The following ADAMTS20 variants were observed in gnomAD, a reference collection of about 807,000 sequenced individuals.
ADAMTS20 encodes the protein A disintegrin and metalloproteinase with thrombospondin motifs 20.
ADAMTS20 carries 225 observed loss-of-function variants against 260.1 expected under a neutral mutation model. The ratio of observed to expected loss-of-function variants is 0.87; its 90% confidence interval spans 0.78 to 0.97. ADAMTS20 has a LOEUF of 0.97. Ranked by LOEUF, ADAMTS20 falls within the 50% of genes least tolerant of loss-of-function variation. The pLI is 0.00. For synonymous variants in ADAMTS20, 802 were observed against 769.5 expected, an observed-to-expected ratio of 1.04 and a Z score of -0.70; for missense variants, 2,400 against 2,337.7, an observed-to-expected ratio of 1.03 and a Z score of -0.55.
intron 3 of ADAMTS20, among the ~76,000 whole-genome samples, chr12:43,528,347 G>GAAAAAAAAAAAAAAAAAAAAAAAAAA (rs1565583137): frequency 8.7e-4 from 2 of 2,306 alleles, no homozygotes; most frequent in African/African-American, 1.5e-3. Flanking sequence ...GCAATCCTAA[G>GAAAAAAAAAAAAAAAAAAAAAAAAAA]CAAAAAAAAA....
chr12:43,518,817 G>GAAA (rs34834714), intron 3 of ADAMTS20, among the ~76,000 whole-genome samples: 5 of 111,988 alleles, frequency 4.5e-5, no homozygotes, highest in East Asian at 2.5e-4. Context: ...ACTGGCTCAG[G>GAAA]AAAAAAAAAA....
chr12:43,493,348 G>T, intron 4 of ADAMTS20, 95 bp from the exon 5 acceptor site: 6 of 834,262 alleles, frequency 7.2e-6, no homozygotes, highest in Non-Finnish European at 1.1e-5. Flanking sequence ...TTCTCTAATT[G>T]CACTGCACGT....
chr12:43,381,780 CAAA>C (rs765135656), intron 31 of ADAMTS20, among the ~76,000 whole-genome samples: 1 of 34,516 alleles, frequency 2.9e-5, no homozygotes, highest in African/African-American at 1.2e-4. Flanking sequence ...GACTGCATCT[CAAA>C]AAAAAAAAAA....
At chr12:43,501,538 T>C (rs917769313) in intron 4 of ADAMTS20, among the ~76,000 whole-genome samples, 8 of 135,826 alleles carry the variant, frequency 5.9e-5, no homozygotes, top group East Asian at 4.8e-4. Context: ...TTACACAGGA[T>C]TGACACCCTT....
intron 2 of ADAMTS20, 142 bp from the exon 3 acceptor site, chr12:43,532,337 G>C (rs1232271302): frequency 3.1e-6 from 2 of 652,354 alleles, no homozygotes; most frequent in African/African-American, 3.7e-5. Context: ...AGCATAAAAA[G>C]TTTCCCTTCC....
intron 28 of ADAMTS20, chr12:43,423,525 AG>A: frequency 1.7e-6 from 1 of 581,260 alleles, no homozygotes; most frequent in East Asian, 2.8e-5. Flanking sequence ...TCTCATTAGC[AG>A]TTAGGATTCT....
intron 3 of ADAMTS20, among the ~76,000 whole-genome samples, chr12:43,509,326 A>G (rs1387998214): frequency 6.6e-6 from 1 of 152,114 alleles, no homozygotes; most frequent in Non-Finnish European, 1.5e-5. Context: ...GGTTGTTGTT[A>G]TTGATATTGT....
intron 28 of ADAMTS20, 48 bp downstream of exon 28, chr12:43,425,466 C>T (rs1941313769): frequency 1.4e-6 from 2 of 1,387,110 alleles, no homozygotes; most frequent in Non-Finnish European, 1.9e-6. Flanking sequence ...CTCACTCAGA[C>T]TCAAACTTTA....
chr12:43,460,409 A>G (rs1474321669), intron 11 of ADAMTS20, among the ~76,000 whole-genome samples: 3 of 152,170 alleles, frequency 2.0e-5, no homozygotes, highest in African/African-American at 7.2e-5. Flanking sequence ...ACCTAGTAGA[A>G]TGGCCAAATT....
At chr12:43,527,644 A>G (rs1329843571) in intron 3 of ADAMTS20, among the ~76,000 whole-genome samples, 1 of 152,178 alleles carries the variant, frequency 6.6e-6, no homozygotes, top group Non-Finnish European at 1.5e-5. Flanking sequence ...GCATCTCTTT[A>G]TGCTAAAATC....
chr12:43,379,013 C>A (rs578100139), intron 31 of ADAMTS20, among the ~76,000 whole-genome samples: 211 of 152,276 alleles, frequency 1.4e-3, no homozygotes, highest in African/African-American at 4.9e-3. Context: ...TCCATGGTAA[C>A]CTTCAAAATC....
intron 18 of ADAMTS20, among the ~76,000 whole-genome samples, chr12:43,436,729 T>C (rs539086485): frequency 1.3e-5 from 2 of 152,166 alleles, no homozygotes; most frequent in South Asian, 2.1e-4. Context: ...GGTGGCTAAA[T>C]AAAATTCCCC....
In ADAMTS20 at chr12:43,513,422, A is replaced by T. The variant is rs187317079; in HGVS notation, c.614-11017T>A. On this transcript the variant is annotated intron_variant, in intron 3 of 38. Coordinates refer to ENST00000389420, the MANE Select transcript of ADAMTS20 (RefSeq NM_025003.5). ...ATTCACGAACTCAAAGCCTTTTAAG[A>T]TTTTTTTAATGGAAAGGAACATGCA... 3.3e-3 allele frequency among the ~76,000 whole-genome samples: 503 copies of T among 152,248 alleles called. 7 individuals carry two copies. The highest frequency in any genetic ancestry group is 0.03 in the East Asian group (156 of 5,184).
In ADAMTS20 at chr12:43,354,145, A is replaced by G; in HGVS notation, c.*64T>C. On this transcript the variant is annotated 3_prime_UTR_variant, in exon 39 of 39. Transcript: ENST00000389420. ...GGAAGGGAGATATAAAGAAATGAGCACCAGTTATTTGAATATTCCAGAGAA... is the reference window on the plus strand; with the variant it reads ...GGAAGGGAGATATAAAGAAATGAGCGCCAGTTATTTGAATATTCCAGAGAA... The G allele has an allele frequency of 8.1e-7, 1 of 1,228,840 alleles. No homozygotes were observed. The highest frequency in any genetic ancestry group is 1.1e-6 in the Non-Finnish European group (1 of 872,314). The allele number at this position is 1,228,840 out of a possible 1,614,324, so 76.1% of individuals were successfully genotyped here. A position where few individuals can be genotyped will look rare whatever the true frequency, so the allele number is the denominator to read the frequency against.
At chr12:43,505,897 T>A (rs563225066) in intron 3 of ADAMTS20, among the ~76,000 whole-genome samples, 45 of 152,292 alleles carry the variant, frequency 3.0e-4, no homozygotes, top group African/African-American at 9.9e-4. Flanking sequence ...GCAACCCAAA[T>A]GTCCATTGAC....
At chr12:43,359,595 A>G (rs1183166807) in intron 37 of ADAMTS20, among the ~76,000 whole-genome samples, 1 of 152,220 alleles carries the variant, frequency 6.6e-6, no homozygotes, top group Non-Finnish European at 1.5e-5. Context: ...CTACTTTAAC[A>G]CTTATCGTAA....
intron 12 of ADAMTS20, among the ~76,000 whole-genome samples, chr12:43,453,559 A>G (rs756510146): frequency 6.6e-6 from 1 of 152,318 alleles, no homozygotes; most frequent in Middle Eastern, 3.4e-3. Flanking sequence ...GATCCGAAAC[A>G]TAAGTGAAAG....
chr12:43,420,830 T>G lies in ADAMTS20; in HGVS notation c.4284+4684A>C, dbSNP rs1408413574. 3.8e-5 allele frequency among the ~76,000 whole-genome samples: 5 copies of G among 133,246 alleles called. 1 individual carries two copies. Among genetic ancestry groups the G allele is most frequent in the African/African-American group, 1.2e-4 (4 of 34,650 alleles). 87.4% of individuals were successfully genotyped at this position (133,246 alleles called of 152,430 possible). ...TTTTTTTTTTTTTTTTTTTTTGAGATGGGGTCTCGGTCTGTCACGCAGGCT... is the reference window on the plus strand; with the variant it reads ...TTTTTTTTTTTTTTTTTTTTTGAGAGGGGGTCTCGGTCTGTCACGCAGGCT... On this transcript the variant is annotated intron_variant, in intron 28 of 38. Coordinates refer to ENST00000389420, the MANE Select transcript of ADAMTS20 (RefSeq NM_025003.5).
intron 4 of ADAMTS20, among the ~76,000 whole-genome samples, chr12:43,501,481 G>GCACACACACACACACACACACACACA (rs3036317): frequency 0.012 from 1,423 of 117,644 alleles, 21 homozygotes; most frequent in Non-Finnish European, 0.014. Flanking sequence ...GCGCGCGCGC[G>GCACACACACACACACACACACACACA]CACACACACA....
Sources: allele counts gnomAD v4.1 joint callset (sites outside exome capture counted in the v4.1 genomes callset), GRCh38; gene constraint gnomAD v4.1.1; transcripts MANE v1.5; gene names NCBI Gene and HGNC (gene_info 2026-07-23, HGNC 2026-07-21).